The following GAB3 variants were observed in gnomAD, a reference collection of about 807,000 sequenced individuals.
GAB3 encodes the protein GRB2-associated-binding protein 3.
In GAB3, 12 loss-of-function variants were observed where a neutral mutation model predicts 40.4. The observed-to-expected ratio is 0.30, with a 90% CI of 0.19 to 0.48. GAB3 has a LOEUF of 0.48. Ranked by LOEUF, GAB3 falls within the 20% of genes least tolerant of loss-of-function variation. The pLI, the probability that GAB3 is intolerant of heterozygous loss-of-function variation, is 0.99. For missense variants in GAB3, 381 were observed against 461.9 expected, an observed-to-expected ratio of 0.82 and a Z score of 1.61; for synonymous variants, 154 against 176.7, an observed-to-expected ratio of 0.87 and a Z score of 1.02.
chrX:154,725,158 C>T (rs1035977438), intron 1 of GAB3, among the ~76,000 whole-genome samples: 27 of 111,540 alleles, frequency 2.4e-4, no homozygotes, highest in African/African-American at 8.2e-4. Context: ...GGAACCAAAT[C>T]TGCTGACAGC....
intron 5 of GAB3, among the ~76,000 whole-genome samples, 189 bp from the exon 6 acceptor site, chrX:154,699,702 T>A (rs912593962): frequency 2.0e-4 from 23 of 112,485 alleles, no homozygotes; most frequent in African/African-American, 7.1e-4. Context: ...GTATAGGCGA[T>A]AAGTCTCCAA....
intron 6 of GAB3, 135 bp downstream of exon 6, chrX:154,699,158 CA>C (rs2070703079): frequency 3.9e-6 from 2 of 518,837 alleles, no homozygotes; most frequent in Non-Finnish European, 6.7e-6. Context: ...CCAACCCAGC[CA>C]CTTCTTTCCT....
chrX:154,715,109 T>C (rs782528691), intron 2 of GAB3, among the ~76,000 whole-genome samples: 3 of 112,165 alleles, frequency 2.7e-5, no homozygotes, highest in Non-Finnish European at 3.8e-5. Context: ...GATTCAATTC[T>C]GACTCTCCAT....
chrX:154,682,010 C>A (rs2148409839), intron 8 of GAB3, among the ~76,000 whole-genome samples: 1 of 112,094 alleles, frequency 8.9e-6, no homozygotes, highest in East Asian at 2.8e-4. Flanking sequence ...TCTACTTTTC[C>A]ACTTATTTCA....
chrX:154,700,100 T>C, intron 4 of GAB3, 41 bp from the exon 5 acceptor site: 1 of 1,084,071 alleles, frequency 9.2e-7, no homozygotes, highest in Non-Finnish European at 1.3e-6. Flanking sequence ...TGCAGAACAA[T>C]ATCAACTGAA....
intron 8 of GAB3, among the ~76,000 whole-genome samples, chrX:154,681,862 G>A (rs1425139243): frequency 3.6e-5 from 4 of 111,670 alleles, no homozygotes; most frequent in African/African-American, 1.3e-4. Flanking sequence ...ACTCAACATG[G>A]ATAACCTGGT....
chrX:154,736,571 T>C (rs1466249903), intron 1 of GAB3, among the ~76,000 whole-genome samples: 3 of 112,346 alleles, frequency 2.7e-5, no homozygotes, highest in Non-Finnish European at 5.6e-5. Flanking sequence ...AGACTTGAAG[T>C]TTTCTTTCTG....
intron 8 of GAB3, among the ~76,000 whole-genome samples, chrX:154,695,534 G>C (rs1398037910): frequency 1.8e-5 from 2 of 111,901 alleles, no homozygotes; most frequent in Non-Finnish European, 3.8e-5. Context: ...TGGTGGAAGG[G>C]ACCATGTAAT....
intron 8 of GAB3, among the ~76,000 whole-genome samples, chrX:154,691,872 G>A (rs1205267166): frequency 2.7e-5 from 3 of 111,681 alleles, no homozygotes; most frequent in Admixed American, 9.5e-5. Flanking sequence ...GATTTTCAAC[G>A]AGATTTTCAA....
chrX:154,736,137 C>A (rs963368878), intron 1 of GAB3, among the ~76,000 whole-genome samples: 1 of 112,555 alleles, frequency 8.9e-6, no homozygotes, highest in Non-Finnish European at 1.9e-5. Context: ...ACTAGCGGTG[C>A]TAGTAATACA....
At chrX:154,680,022 T>A in intron 9 of GAB3, 110 bp downstream of exon 9, 2 of 535,892 alleles carry the variant, frequency 3.7e-6, no homozygotes, top group Non-Finnish European at 3.2e-6. Flanking sequence ...TCATTATACA[T>A]GTCTGCATTT....
In GAB3 at chrX:154,678,403, T is replaced by C. The variant is rs2070327148; in HGVS notation, c.1648-109A>G. ...AATATTTGTTGCCCTTTCCTCTGTG[T>C]GGAAACTTTGTACTTTGTATGTGTG... On this transcript the variant is annotated intron_variant, in intron 9 of 9. Coordinates refer to ENST00000424127, the MANE Select transcript of GAB3 (RefSeq NM_001081573.3). The C allele has an allele frequency of 1.2e-5, 6 of 496,828 alleles. No homozygotes were observed. In the Admixed American group the frequency reaches 1.3e-4, roughly 11 times the overall value. The allele number at this position is 496,828 out of a possible 1,213,427, so 40.9% of individuals were successfully genotyped here. A position where few individuals can be genotyped will look rare whatever the true frequency, so the allele number is the denominator to read the frequency against.
At position 154,692,176 on chromosome X, in the gene GAB3, TA is replaced by T. The variant is rs1476284078; in HGVS notation, c.1530+3740del. On this transcript the variant is annotated intron_variant, in intron 8 of 9. Transcript: ENST00000424127. ...AAAGAAAATTTTGACTTCATCAAAA[TA>T]AAAAACTTCTGCGCATCAAAGGACA... is the stretch of plus-strand genomic sequence containing the variant. Among the ~76,000 whole-genome samples the T allele has an allele frequency of 5.4e-5, 6 of 111,122 alleles. No individual in the cohort carries two copies. The Admixed American group carries it at 5.7e-4, about 11-fold the overall frequency.
At chrX:154,722,802 G>A (rs1180418531) in intron 1 of GAB3, among the ~76,000 whole-genome samples, 5 of 112,168 alleles carry the variant, frequency 4.5e-5, no homozygotes, top group Non-Finnish European at 7.5e-5. Context: ...GACACATGGA[G>A]GGACTTCTGT....
chrX:154,717,143 G>T (rs2071057601), intron 1 of GAB3, among the ~76,000 whole-genome samples: 1 of 111,616 alleles, frequency 9.0e-6, no homozygotes, highest in East Asian at 2.8e-4. Context: ...GGGATGGAAG[G>T]ATCGGTAATG....
At chrX:154,736,979 G>A (rs2071372792) in intron 1 of GAB3, among the ~76,000 whole-genome samples, 1 of 111,872 alleles carries the variant, frequency 8.9e-6, no homozygotes, top group Non-Finnish European at 1.9e-5. Flanking sequence ...TGGTTTTCTG[G>A]TTGACACTGC....
intron 8 of GAB3, among the ~76,000 whole-genome samples, chrX:154,691,373 C>G (rs2148423016): frequency 9.3e-6 from 1 of 107,980 alleles, no homozygotes; most frequent in African/African-American, 3.4e-5. Flanking sequence ...ACATATGTAA[C>G]TAACCTGCAC....
At chrX:154,713,774 T>TACATATATATAC (rs2070998549) in intron 2 of GAB3, among the ~76,000 whole-genome samples, 2 of 79,342 alleles carry the variant, frequency 2.5e-5, no homozygotes, top group Non-Finnish European at 4.9e-5. Flanking sequence ...TATATATATA[T>TACATATATATAC]ATATATATAT....
Position 154,712,505 on chromosome X carries a change from C to A in GAB3, c.793G>T (p.Gly265Trp), listed in dbSNP as rs782123711. The change falls in exon 4 of 10, where the codon GGG (glycine) becomes TGG (tryptophan). Residue 265 changes from glycine (G) to tryptophan (W), a missense_variant. Gly to Trp is a radical substitution (Grantham distance 184). Transcript: ENST00000424127. ...GAAGACAAGTGGTCCCTGGGTGGCC[C>A]ATTGATTTCTCTACTCCAGATCAGG... The part of the protein sequence containing the change: ...AALIWSREIN[G>W]PPRDHLSSSP... 219 of 1,205,368 alleles carry A rather than the reference C, an allele frequency of 1.8e-4. No homozygotes were observed. The South Asian group carries it at 3.5e-3, about 19-fold the overall frequency.
Sources: gnomAD v4.1 joint callset for allele counts (sites outside exome capture counted in the v4.1 genomes callset) on GRCh38, gnomAD v4.1.1 for gene constraint, MANE v1.5 for transcripts, NCBI Gene and HGNC (gene_info 2026-07-23, HGNC 2026-07-21) for gene names.